Variants in TNFSF4 observed in about 807,000 individuals in gnomAD.
The protein encoded by TNFSF4 is TNF superfamily member 4.
In TNFSF4, 4 loss-of-function variants were observed where a neutral mutation model predicts 7.3. That is an observed-to-expected ratio of 0.55 (90% CI 0.27 to 1.25). The LOEUF is 1.25. Among genes scored for constraint, TNFSF4 ranks in the 50% most tolerant of loss-of-function variants. TNFSF4 has a pLI of 0.12. For synonymous variants in TNFSF4, 76 were observed against 83.7 expected (o/e 0.91, Z 0.50); for missense variants, 181 against 208.8 (o/e 0.87, Z 0.82).
At chr1:173,178,934 GAA>G (rs1254812452), downstream of TNFSF4, among the ~76,000 whole-genome samples, 1 of 152,152 alleles carries the variant, frequency 6.6e-6, no homozygotes, top group Non-Finnish European at 1.5e-5. Flanking sequence ...TGTAACTATT[GAA>G]GCAATGGGAG....
At chr1:173,395,033 TAGATGATAGATAGATAGATA>T in the TNFSF4 span, among the ~76,000 whole-genome samples, 9 of 106,430 alleles carry the variant, frequency 8.5e-5, no homozygotes, top group Non-Finnish European at 1.6e-4. Context: ...GATAGATAGA[TAGATGATAGATAGATAGATA>T]GATAGATAGA....
chr1:173,330,885 CTTTT>C, the TNFSF4 span, among the ~76,000 whole-genome samples: 3 of 138,404 alleles, frequency 2.2e-5, no homozygotes, highest in Non-Finnish European at 3.1e-5. Flanking sequence ...CTTTTCTTAT[CTTTT>C]TTTTTTTTTT....
chr1:173,203,617 T>A (rs182137347), intron 1 of TNFSF4, among the ~76,000 whole-genome samples: 15 of 152,270 alleles, frequency 9.9e-5, no homozygotes, highest in African/African-American at 3.6e-4. Flanking sequence ...GAATTCTAAT[T>A]CCAGCTTTCA....
At chr1:173,224,949 G>A in the TNFSF4 span, among the ~76,000 whole-genome samples, 2 of 152,048 alleles carry the variant, frequency 1.3e-5, no homozygotes, top group East Asian at 3.9e-4. Context: ...TCTCCCATCT[G>A]GTAATCATCT....
the TNFSF4 span, among the ~76,000 whole-genome samples, chr1:173,212,716 A>G: frequency 3.9e-5 from 6 of 152,228 alleles, no homozygotes; most frequent in Admixed American, 3.9e-4. Flanking sequence ...CAAAGGATAA[A>G]TGCTTGAGGG....
the TNFSF4 span, among the ~76,000 whole-genome samples, chr1:173,425,808 T>G: frequency 6.6e-6 from 1 of 152,242 alleles, no homozygotes; most frequent in South Asian, 2.1e-4. Flanking sequence ...CATGGACTGT[T>G]CCCACATTCT....
At chr1:173,399,495 T>C in the TNFSF4 span, among the ~76,000 whole-genome samples, 5 of 152,084 alleles carry the variant, frequency 3.3e-5, no homozygotes, top group Non-Finnish European at 5.9e-5. Flanking sequence ...CAGTAATTCA[T>C]GATCTATGGC....
chr1:173,216,771 A>G, the TNFSF4 span, among the ~76,000 whole-genome samples: 2 of 152,136 alleles, frequency 1.3e-5, no homozygotes, highest in Non-Finnish European at 2.9e-5. Flanking sequence ...CACACACATG[A>G]AAAACAAACA....
chr1:173,316,321 T>G, the TNFSF4 span, among the ~76,000 whole-genome samples: 2 of 152,120 alleles, frequency 1.3e-5, no homozygotes, highest in African/African-American at 4.8e-5. Context: ...ATATGTAACT[T>G]GTATTTAAAT....
the TNFSF4 span, among the ~76,000 whole-genome samples, chr1:173,332,321 T>C: frequency 1.3e-5 from 2 of 152,138 alleles, no homozygotes; most frequent in Non-Finnish European, 2.9e-5. Flanking sequence ...AACAAACCCT[T>C]GTCTGACTCA....
the TNFSF4 span, among the ~76,000 whole-genome samples, chr1:173,249,745 C>T: frequency 1.3e-5 from 2 of 152,206 alleles, no homozygotes; most frequent in Non-Finnish European, 2.9e-5. Context: ...AGTACCAACA[C>T]TTAGTATTAA....
the TNFSF4 span, among the ~76,000 whole-genome samples, chr1:173,416,638 T>TATTTATTTTTTGAGAGA: frequency 3.6e-5 from 4 of 110,142 alleles, no homozygotes; most frequent in South Asian, 3.3e-4. Context: ...ATTTATTTTT[T>TATTTATTTTTTGAGAGA]GAGAGAGAGA....
At chr1:173,304,379 T>C in the TNFSF4 span, among the ~76,000 whole-genome samples, 3 of 152,014 alleles carry the variant, frequency 2.0e-5, no homozygotes, top group Admixed American at 2.0e-4. Flanking sequence ...TGGGCATGGA[T>C]GCACTTCTTA....
chr1:173,431,850 G>A, the TNFSF4 span, among the ~76,000 whole-genome samples: 1 of 152,054 alleles, frequency 6.6e-6, no homozygotes, highest in Non-Finnish European at 1.5e-5. Flanking sequence ...CTCAGCAGAT[G>A]AGTTCTCCTC....
chr1:173,268,491 C>T, the TNFSF4 span, among the ~76,000 whole-genome samples: 1 of 151,856 alleles, frequency 6.6e-6, no homozygotes, highest in South Asian at 2.1e-4. Context: ...TATGTATATA[C>T]ACAGAAATAC....
At chr1:173,197,968 C>A (rs552409518) in intron 1 of TNFSF4, among the ~76,000 whole-genome samples, 14 of 152,044 alleles carry the variant, frequency 9.2e-5, no homozygotes, top group Non-Finnish European at 1.9e-4. Flanking sequence ...TATAAGAACT[C>A]TTTTCAGTCA....
the TNFSF4 span, among the ~76,000 whole-genome samples, chr1:173,340,325 C>A: frequency 8.0e-4 from 2 of 2,494 alleles, no homozygotes; most frequent in Non-Finnish European, 0.014. Flanking sequence ...AATCTGTTTA[C>A]ACACACACAC....
chr1:173,288,726 A>G, the TNFSF4 span, among the ~76,000 whole-genome samples: 14 of 152,198 alleles, frequency 9.2e-5, no homozygotes, highest in Non-Finnish European at 1.8e-4. Context: ...AAATTGTAAA[A>G]CACAATTGTG....
At chr1:173,443,777 G>C in the TNFSF4 span, among the ~76,000 whole-genome samples, 1 of 152,206 alleles carries the variant, frequency 6.6e-6, no homozygotes, top group South Asian at 2.1e-4. Context: ...CAATATCATA[G>C]TTACTGGTAG....
Sources: gnomAD v4.1 joint callset for allele counts (sites outside exome capture counted in the v4.1 genomes callset) on GRCh38, gnomAD v4.1.1 for gene constraint, MANE v1.5 for transcripts, NCBI Gene and HGNC (gene_info 2026-07-23, HGNC 2026-07-21) for gene names.